ZNF385D: variants seen among roughly 807,000 people sequenced by gnomAD.
ZNF385D encodes the protein zinc finger protein 659.
In ZNF385D, 15 loss-of-function variants were observed where a neutral mutation model predicts 35.8. The ratio of observed to expected loss-of-function variants is 0.42; its 90% CI spans 0.28 to 0.64. The LOEUF (loss-of-function observed/expected upper bound fraction) is 0.64. ZNF385D is among the 30% of genes least tolerant of loss of function. ZNF385D has a pLI of 0.23. For missense variants in ZNF385D, 474 were observed against 494.6 expected, an observed-to-expected ratio of 0.96 and a Z score of 0.39; for synonymous variants, 212 against 186.8, an observed-to-expected ratio of 1.13 and a Z score of -1.10.
chr3:21,891,365 G>A (rs559001891), intron 3 of ZNF385D, among the ~76,000 whole-genome samples: 2 of 152,232 alleles, frequency 1.3e-5, no homozygotes, highest in South Asian at 2.1e-4. Context: ...TTAAAGCACA[G>A]CTTTCAAGTA....
intron 4 of ZNF385D, among the ~76,000 whole-genome samples, chr3:21,480,847 T>C (rs1034638476): frequency 2.6e-5 from 4 of 152,242 alleles, no homozygotes; most frequent in Admixed American, 2.0e-4. Flanking sequence ...TATTCGGATA[T>C]GGTGTTCAAA....
chr3:21,515,199 A>G (rs1465008208), intron 3 of ZNF385D, among the ~76,000 whole-genome samples: 2 of 152,300 alleles, frequency 1.3e-5, no homozygotes, highest in East Asian at 1.9e-4. Flanking sequence ...ATGCACATTT[A>G]TCTTATTTGG....
At chr3:21,782,847 G>C (rs1461130282) in intron 3 of ZNF385D, among the ~76,000 whole-genome samples, 1 of 152,104 alleles carries the variant, frequency 6.6e-6, no homozygotes, top group East Asian at 1.9e-4. Flanking sequence ...TTTTATCAGA[G>C]GATGAGCGGG....
In ZNF385D at chr3:21,420,960, C is replaced by T. The variant is rs1486925612; in HGVS notation, c.*254G>A. ...GCTTCAGAAGGTCTAGATACCACTA[C>T]AAATCAATGCTGGAGATCACTTCTA... On this transcript the variant is annotated 3_prime_UTR_variant, in exon 8 of 8. Coordinates refer to ENST00000281523, the MANE Select transcript of ZNF385D (RefSeq NM_024697.3). 2 of 465,216 alleles carry T rather than the reference C, an allele frequency of 4.3e-6. No individual in the cohort carries two copies. Among genetic ancestry groups the T allele is most frequent in the South Asian group, 2.6e-5 (1 of 39,058 alleles). The allele number at this position is 465,216 out of a possible 1,614,324, so 28.8% of individuals were successfully genotyped here.
At chr3:21,809,759 C>G (rs756173835) in intron 3 of ZNF385D, among the ~76,000 whole-genome samples, 25 of 150,674 alleles carry the variant, frequency 1.7e-4, no homozygotes, top group Admixed American at 6.0e-4. Flanking sequence ...CTGAAAAATA[C>G]TAGGTACATT....
intron 3 of ZNF385D, among the ~76,000 whole-genome samples, chr3:21,849,417 T>C (rs1696231245): frequency 6.6e-6 from 1 of 152,074 alleles, no homozygotes; most frequent in African/African-American, 2.4e-5. Flanking sequence ...CAGGAGAATG[T>C]GACATCTGAA....
intron 2 of ZNF385D, among the ~76,000 whole-genome samples, chr3:21,603,950 G>A (rs1007063818): frequency 6.6e-6 from 1 of 152,102 alleles, no homozygotes; most frequent in Non-Finnish European, 1.5e-5. Context: ...TCAACTCCAG[G>A]CTGAGGCAGT....
intron 3 of ZNF385D, among the ~76,000 whole-genome samples, chr3:22,027,006 G>C (rs1345020162): frequency 6.6e-6 from 1 of 152,184 alleles, no homozygotes; most frequent in Non-Finnish European, 1.5e-5. Flanking sequence ...CCTGGTACCT[G>C]GTATGCAGCC....
intron 2 of ZNF385D, among the ~76,000 whole-genome samples, chr3:22,194,835 T>C (rs1410448594): frequency 1.3e-5 from 2 of 151,926 alleles, no homozygotes; most frequent in African/African-American, 4.8e-5. Flanking sequence ...GGTTGTTCTT[T>C]TTGTTACTGA....
intron 2 of ZNF385D, among the ~76,000 whole-genome samples, chr3:22,323,268 T>C (rs1455292387): frequency 2.0e-5 from 3 of 152,184 alleles, no homozygotes; most frequent in African/African-American, 7.2e-5. Flanking sequence ...TTCCTGACCC[T>C]GCCCACAGAC....
chr3:22,302,626 G>A (rs1444495783), intron 2 of ZNF385D, among the ~76,000 whole-genome samples: 1 of 151,876 alleles, frequency 6.6e-6, no homozygotes, highest in Non-Finnish European at 1.5e-5. Flanking sequence ...TTTCAATTCA[G>A]ATGGGATAGC....
chr3:21,628,759 TG>T (rs1285378976), intron 2 of ZNF385D, among the ~76,000 whole-genome samples: 1 of 152,150 alleles, frequency 6.6e-6, no homozygotes, highest in Non-Finnish European at 1.5e-5. Flanking sequence ...TAAGCACTCC[TG>T]GTGATTCTGA....
intron 3 of ZNF385D, among the ~76,000 whole-genome samples, chr3:22,144,539 C>A (rs1437355656): frequency 7.8e-6 from 1 of 128,450 alleles, no homozygotes; most frequent in Non-Finnish European, 1.6e-5. Flanking sequence ...TGCCACTGCA[C>A]TCCAGCCTAG....
Position 21,918,168 on chromosome 3 carries a change from T to C in ZNF385D, c.325+250649A>G, listed in dbSNP as rs576864881. Among the ~76,000 whole-genome samples, 8 of 150,796 alleles carry C rather than the reference T, an allele frequency of 5.3e-5. No homozygotes were observed. In the East Asian group the frequency reaches 1.6e-3, roughly 30 times the overall value. The stretch of plus-strand genomic sequence containing the variant: ...CCAAATTTTAAACAGTGGAAAAATT[T>C]AGCAATGGGGAATATGATTGAAAAG... On this transcript the variant is annotated intron_variant, in intron 3 of 5. Coordinates refer to the ZNF385D transcript ENST00000494108.
intron 4 of ZNF385D, among the ~76,000 whole-genome samples, chr3:21,507,213 G>T (rs955395271): frequency 6.6e-6 from 1 of 151,910 alleles, no homozygotes. Flanking sequence ...AGAGAAAACC[G>T]CCAAATCAAT....
chr3:22,077,707 T>C (rs1416544708), intron 3 of ZNF385D, among the ~76,000 whole-genome samples: 3 of 152,160 alleles, frequency 2.0e-5, no homozygotes, highest in African/African-American at 7.2e-5. Flanking sequence ...TCTCGGCAGA[T>C]GTTTTAGAGT....
intron 3 of ZNF385D, among the ~76,000 whole-genome samples, chr3:21,901,962 G>A (rs2125899321): frequency 6.6e-6 from 1 of 152,196 alleles, no homozygotes; most frequent in South Asian, 2.1e-4. Flanking sequence ...TTTCAAGAAT[G>A]GCAGGATGGT....
At chr3:22,189,918 G>C (rs1168213282) in intron 2 of ZNF385D, among the ~76,000 whole-genome samples, 2 of 152,066 alleles carry the variant, frequency 1.3e-5, no homozygotes, top group Non-Finnish European at 2.9e-5. Context: ...TATTCCAGAA[G>C]TGAGCTCTAC....
intron 3 of ZNF385D, among the ~76,000 whole-genome samples, chr3:22,048,744 A>C (rs999074443): frequency 6.6e-6 from 1 of 152,142 alleles, no homozygotes; most frequent in African/African-American, 2.4e-5. Flanking sequence ...TTGTGATTCC[A>C]AGTGAATTTT....
Sources: gnomAD v4.1 joint callset for allele counts (sites outside exome capture counted in the v4.1 genomes callset) on GRCh38, gnomAD v4.1.1 for gene constraint, MANE v1.5 for transcripts, NCBI Gene and HGNC (gene_info 2026-07-23, HGNC 2026-07-21) for gene names.